Variants in ZNF780B observed in about 807,000 individuals in gnomAD.
The protein encoded by ZNF780B is zinc finger protein 780B.
In ZNF780B, 52 loss-of-function variants were observed where a neutral mutation model predicts 74.1. The observed-to-expected ratio is 0.70, with a 90% confidence interval of 0.56 to 0.88. The LOEUF (loss-of-function observed/expected upper bound fraction) is 0.88. ZNF780B is among the 40% of genes least tolerant of loss of function. ZNF780B has a pLI of 0.00. For synonymous variants in ZNF780B, 315 were observed against 324.3 expected, an observed-to-expected ratio of 0.97 and a Z score of 0.31; for missense variants, 953 against 1,007.6, an observed-to-expected ratio of 0.95 and a Z score of 0.73.
rs773726379 is a variant in ZNF780B, at chr19:40,035,686, ACATT to A, written c.1169_1172del (p.Glu390ValfsTer24). ...GATTAAAGGACTTCCCACATTCTTT[ACATT>A]CAAATGGTTTTTCACCTGTGTGAAT... On this transcript the variant is annotated frameshift_variant, in exon 5 of 5. Coordinates refer to ENST00000434248, the MANE Select transcript of ZNF780B (RefSeq NM_001005851.3). LOFTEE classifies it high-confidence loss of function. The A allele has an allele frequency of 2.5e-6, 4 of 1,614,000 alleles. No individual in the cohort carries two copies. The highest frequency in any genetic ancestry group is 3.3e-4 in the Middle Eastern group (2 of 6,084).
chr19:40,036,072 T>A lies in ZNF780B; in HGVS notation c.787A>T (p.Asn263Tyr). ...ECGKSFNRSSNLTQHQSIHAG... is the reference protein window; with the variant it reads ...ECGKSFNRSSYLTQHQSIHAG... ...TGAATACTTTGATGCTGAGTAAGGT[T>A]TGAGCTACGATTAAAAGACTTCCCA... The change falls in exon 5 of 5, where the codon AAC becomes TAC. Residue 263 changes from asparagine to tyrosine, a missense_variant. Transcript: ENST00000434248. 1 of 1,613,416 alleles carries A rather than the reference T, an allele frequency of 6.2e-7. No homozygotes were observed. Among genetic ancestry groups the A allele is most frequent in the East Asian group, 2.2e-5 (1 of 44,874 alleles).
In ZNF780B at chr19:40,034,117, T is replaced by C; in HGVS notation, c.*240A>G. 2 of 588,420 alleles carry C rather than the reference T, an allele frequency of 3.4e-6. No homozygotes were observed. The highest frequency in any genetic ancestry group is 6.2e-6 in the Non-Finnish European group (2 of 323,074). The allele number at this position is 588,420 out of a possible 1,614,324, so 36.4% of individuals were successfully genotyped here. On this transcript the variant is annotated 3_prime_UTR_variant, in exon 5 of 5. Coordinates refer to ENST00000434248, the MANE Select transcript of ZNF780B (RefSeq NM_001005851.3). ...ACATTCATAGGGTTTCTCATCAGTA[T>C]GAATTTTAACATGTTTAACAGGTTT...
In ZNF780B at chr19:40,035,174, C is replaced by G; in HGVS notation, c.1685G>C (p.Cys562Ser). Residue 562 changes from cysteine (C) to serine (S), a missense_variant, in exon 5 of 5, where the codon TGT becomes TCT. Transcript: ENST00000434248. ...TGEKPFECKE[C>S]GKFFRRGSNL... ...TGAACCACGACGAAAGAATTTCCCACATTCCTTACATTCAAAGGGTTTCTC... is the reference window on the plus strand; with the variant it reads ...TGAACCACGACGAAAGAATTTCCCAGATTCCTTACATTCAAAGGGTTTCTC... 1.9e-6 allele frequency: 3 copies of G among 1,614,202 alleles called. No individual in the cohort carries two copies. The highest frequency in any genetic ancestry group is 2.5e-6 in the Non-Finnish European group (3 of 1,180,028).
chr19:40,038,622 T>C (rs1014798651), intron 4 of ZNF780B, among the ~76,000 whole-genome samples: 1 of 150,968 alleles, frequency 6.6e-6, no homozygotes, highest in Non-Finnish European at 1.5e-5. Flanking sequence ...TGGTGTGAGA[T>C]GGTATCTCAT....
At chr19:40,040,502 T>C (rs1972582674) in intron 4 of ZNF780B, among the ~76,000 whole-genome samples, 1 of 152,252 alleles carries the variant, frequency 6.6e-6, no homozygotes, top group Non-Finnish European at 1.5e-5. Flanking sequence ...CTCCTCCTTT[T>C]ACCTCTGGTA....
Position 40,032,624 on chromosome 19 carries a change from G to A in ZNF780B, c.*1733C>T, listed in dbSNP as rs536598905. ...TCCCAGCTACTCAGGAGGCTGAGGC[G>A]GGAGAATGGCGTGAACCCAGGAGGC... On this transcript the variant is annotated 3_prime_UTR_variant, in exon 5 of 5. Transcript: ENST00000434248. 2.1e-3 allele frequency: 345 copies of A among 167,158 alleles called. 1 individual carries two copies. Among genetic ancestry groups the A allele is most frequent in the Non-Finnish European group, 3.1e-3 (246 of 78,628 alleles). 10.4% of individuals were successfully genotyped at this position (167,158 alleles called of 1,614,324 possible).
At position 40,036,151 on chromosome 19, in the gene ZNF780B, A is replaced by G; in HGVS notation, c.708T>C (p.Leu236=). The change falls in exon 5 of 5, where the codon CTT becomes CTC. Residue 236 remains leucine (L), a synonymous_variant. Transcript: ENST00000434248. The part of the protein sequence containing the change: ...CGKAFNLPTQ[L]NRHKNIHTVK... Reference sequence around the variant, plus strand: ...CTGTGTGAATGTTCTTATGGCGATTAAGCTGGGTGGGAAGATTAAAGGCTT... The same window carrying G: ...CTGTGTGAATGTTCTTATGGCGATTGAGCTGGGTGGGAAGATTAAAGGCTT... 1 of 1,614,048 alleles carries G rather than the reference A, an allele frequency of 6.2e-7. No individual in the cohort carries two copies. The highest frequency in any genetic ancestry group is 8.5e-7 in the Non-Finnish European group (1 of 1,179,992).
At chr19:40,051,156 A>G (rs1973211192) in intron 1 of ZNF780B, among the ~76,000 whole-genome samples, 1 of 152,190 alleles carries the variant, frequency 6.6e-6, no homozygotes, top group East Asian at 1.9e-4. Context: ...TTTGCTAAAG[A>G]GTATGTCATA....
rs1476593261 is a variant in ZNF780B, at chr19:40,039,086, G to C, written c.233-2460C>G. Among the ~76,000 whole-genome samples the C allele has an allele frequency of 5.9e-5, 9 of 152,000 alleles. No individual in the cohort carries two copies. In the East Asian group the frequency reaches 1.7e-3, roughly 29 times the overall value. On this transcript the variant is annotated intron_variant, in intron 4 of 4. Coordinates refer to ENST00000434248, the MANE Select transcript of ZNF780B (RefSeq NM_001005851.3). The stretch of plus-strand genomic sequence containing the variant: ...TTTAATCCATCTTGAATTAATTTTT[G>C]TATAAGGTGTAAGGAAGGGATCCAG...
intron 3 of ZNF780B, among the ~76,000 whole-genome samples, 178 bp from the exon 4 acceptor site, chr19:40,047,648 T>C (rs1972996674): frequency 6.6e-6 from 1 of 151,820 alleles, no homozygotes; most frequent in Non-Finnish European, 1.5e-5. Flanking sequence ...AGCACTTTCA[T>C]TTAAACTCAT....
chr19:40,041,871 CTG>C (rs1972660120), intron 4 of ZNF780B, among the ~76,000 whole-genome samples: 1 of 152,098 alleles, frequency 6.6e-6, no homozygotes, highest in South Asian at 2.1e-4. Context: ...ATTTGCCAGT[CTG>C]TGTCTTTTAA....
Position 40,032,060 on chromosome 19 carries a change from A to G in ZNF780B, c.*2297T>C, listed in dbSNP as rs1482985970. On this transcript the variant is annotated 3_prime_UTR_variant, in exon 5 of 5. Coordinates refer to ENST00000434248, the MANE Select transcript of ZNF780B (RefSeq NM_001005851.3). ...AGCCTCTGGACTTACTTTCCCTTGT[A>G]AAGAAAATACAACCAAGAACAAGGC... 2.2e-6 allele frequency: 1 copy of G among 456,382 alleles called. No homozygotes were observed. The highest frequency in any genetic ancestry group is 2.4e-5 in the Admixed American group (1 of 42,496). 28.3% of individuals were successfully genotyped at this position (456,382 alleles called of 1,614,324 possible). A position where few individuals can be genotyped will look rare whatever the true frequency, so the allele number is the denominator to read the frequency against.
Position 40,032,416 on chromosome 19 carries a change from CT to C in ZNF780B, c.*1940del. 2 of 379,296 alleles carry C rather than the reference CT, an allele frequency of 5.3e-6. No homozygotes were observed. Among genetic ancestry groups the C allele is most frequent in the Admixed American group, 3.5e-5 (1 of 28,620 alleles). 23.5% of individuals were successfully genotyped at this position (379,296 alleles called of 1,614,324 possible). On this transcript the variant is annotated 3_prime_UTR_variant, in exon 5 of 5. Transcript: ENST00000434248. ...AATGCAGAATCTGCAATGGACTCTCCTTAGAAAATGAATAGCTGTAGGCCAG... is the reference window on the plus strand; with the variant it reads ...AATGCAGAATCTGCAATGGACTCTCCTAGAAAATGAATAGCTGTAGGCCAG...
Position 40,035,310 on chromosome 19 carries a change from CA to C in ZNF780B, c.1548del (p.Val517PhefsTer150). 1 of 1,613,074 alleles carries C rather than the reference CA, an allele frequency of 6.2e-7. No homozygotes were observed. Among genetic ancestry groups the C allele is most frequent in the Non-Finnish European group, 8.5e-7 (1 of 1,179,682 alleles). ...CCAGTGTGAATACTCTGATGTTGAA[CA>C]AGGTTCGAGCCACGATTGAAGGCCT... Reference protein sequence around the residue: ...CGKAFNRGSNLVQHQSIHTGE... With the variant: ...CGKAFNRGSNXVQHQSIHTGE... On this transcript the variant is annotated frameshift_variant, in exon 5 of 5. Coordinates refer to ENST00000434248, the MANE Select transcript of ZNF780B (RefSeq NM_001005851.3). LOFTEE classifies it high-confidence loss of function.
intron 1 of ZNF780B, among the ~76,000 whole-genome samples, chr19:40,053,148 A>C (rs1973314730): frequency 1.3e-5 from 2 of 152,234 alleles, no homozygotes; most frequent in Admixed American, 6.5e-5. Context: ...GACTACCTAC[A>C]GAATGAGAGA....
In ZNF780B at chr19:40,028,705, T is replaced by C. The variant is rs1377555456; in HGVS notation, c.*5652A>G. On this transcript the variant is annotated 3_prime_UTR_variant, in exon 5 of 5. Coordinates refer to ENST00000434248, the MANE Select transcript of ZNF780B (RefSeq NM_001005851.3). ...TCATATAATATGGATGTAAGCCTGA[T>C]ACTGTGGCCTTGCTCTAAACCAATC... 2 of 152,332 alleles carry C rather than the reference T, an allele frequency of 1.3e-5. No homozygotes were observed. The highest frequency in any genetic ancestry group is 3.8e-4 in the East Asian group (2 of 5,196). 9.4% of individuals were successfully genotyped at this position (152,332 alleles called of 1,614,324 possible).
chr19:40,044,024 T>A (rs1389438412), intron 4 of ZNF780B, among the ~76,000 whole-genome samples: 1 of 152,258 alleles, frequency 6.6e-6, no homozygotes, highest in Non-Finnish European at 1.5e-5. Flanking sequence ...ACACCGGAGC[T>A]GTTCCTATTC....
chr19:40,038,971 C>T (rs1301272102), intron 4 of ZNF780B, among the ~76,000 whole-genome samples: 4 of 152,172 alleles, frequency 2.6e-5, no homozygotes, highest in African/African-American at 9.7e-5. Flanking sequence ...GTGTTTTAGA[C>T]ATAAAGTCCT....
chr19:40,036,016 CT>C lies in ZNF780B; in HGVS notation c.842del (p.Glu281GlyfsTer65). The C allele has an allele frequency of 6.2e-7, 1 of 1,613,958 alleles. No homozygotes were observed. Among genetic ancestry groups the C allele is most frequent in the South Asian group, 1.1e-5 (1 of 91,064 alleles). ...AACCACGATTAAAGGCTTTCCCACA[CT>C]CCTTACATTGATATGGTTTTACACC... Reference protein sequence around the residue: ...HAGVKPYQCKECGKAFNRGSN... With the variant: ...HAGVKPYQCKXCGKAFNRGSN... On this transcript the variant is annotated frameshift_variant, in exon 5 of 5. Transcript: ENST00000434248. LOFTEE classifies it high-confidence loss of function.
Sources: gnomAD v4.1 joint callset for allele counts (sites outside exome capture counted in the v4.1 genomes callset) on GRCh38, gnomAD v4.1.1 for gene constraint, MANE v1.5 for transcripts, NCBI Gene and HGNC (gene_info 2026-07-23, HGNC 2026-07-21) for gene names.